Variants in RASAL1 observed in about 807,000 individuals in gnomAD.
RASAL1 encodes rasGAP-activating-like protein 1.
A neutral mutation model predicts 96.6 loss-of-function variants in RASAL1; 72 were observed. That is an observed-to-expected ratio of 0.75 (90% CI 0.62 to 0.91). RASAL1 has a LOEUF of 0.91. Ranked by LOEUF, RASAL1 falls within the 40% of genes least tolerant of loss-of-function variation. The pLI is 0.00. For synonymous variants in RASAL1, 405 were observed against 430.4 expected, an observed-to-expected ratio of 0.94 and a Z score of 0.73; for missense variants, 1,016 against 1,072.5, an observed-to-expected ratio of 0.95 and a Z score of 0.74.
intron 13 of RASAL1, among the ~76,000 whole-genome samples, chr12:113,108,993 C>T (rs997085376): frequency 1.3e-5 from 2 of 151,244 alleles, no homozygotes; most frequent in Admixed American, 6.6e-5. Flanking sequence ...TGCCACCACA[C>T]CTGGCCAGTT....
rs193144574 is a variant in RASAL1 at position 113,114,888 on chromosome 12, C to G, written c.1093G>C (p.Glu365Gln). Residue 365 changes from glutamate to glutamine, a missense_variant, in exon 12 of 21, where the codon GAG (glutamate) becomes CAG (glutamine). Transcript: ENST00000548055. Reference protein sequence around the residue: ...MKLVGMPYLHEVLKPVISRVF... With the variant: ...MKLVGMPYLHQVLKPVISRVF... ...CGGCTAATCACAGGCTTCAGGACCT[C>G]GTGCAGGTAGGGCATGCCCACGAGC... 1.7e-5 allele frequency: 27 copies of G among 1,614,038 alleles called. No individual in the cohort carries two copies. In the Admixed American group the frequency reaches 4.5e-4, roughly 27 times the overall value.
chr12:113,108,257 C>T (rs1298671996), intron 13 of RASAL1, 35 bp from the exon 14 acceptor site: 1 of 1,589,278 alleles, frequency 6.3e-7, no homozygotes, highest in South Asian at 1.2e-5. Flanking sequence ...AGGAGCCCCC[C>T]AAACCCACTT....
chr12:113,102,155 C>A lies in RASAL1; in HGVS notation c.2105-146G>T, dbSNP rs541417247. The A allele has an allele frequency of 7.1e-6, 7 of 988,844 alleles. No homozygotes were observed. In the East Asian group the frequency reaches 1.5e-4, roughly 22 times the overall value. The allele number at this position is 988,844 out of a possible 1,614,324, so 61.3% of individuals were successfully genotyped here. ...TCTAGGCCACACACGGTGGCTCATG[C>A]CTGTAATCTCAGCACTTTTGGAGGC... On this transcript the variant is annotated intron_variant, in intron 18 of 20. Coordinates refer to ENST00000548055, the MANE Select transcript of RASAL1 (RefSeq NM_001301202.2).
chr12:113,135,557 C>G lies in RASAL1; in HGVS notation c.-95G>C. The G allele has an allele frequency of 9.0e-7, 1 of 1,111,244 alleles. No individual in the cohort carries two copies. Among genetic ancestry groups the G allele is most frequent in the Non-Finnish European group, 1.3e-6 (1 of 763,100 alleles). The allele number at this position is 1,111,244 out of a possible 1,614,324, so 68.8% of individuals were successfully genotyped here. A position where few individuals can be genotyped will look rare whatever the true frequency, so the allele number is the denominator to read the frequency against. On this transcript the variant is annotated 5_prime_UTR_variant, in exon 1 of 21. Coordinates refer to ENST00000548055, the MANE Select transcript of RASAL1 (RefSeq NM_001301202.2). The surrounding 1 kb of genome is among the most constrained non-coding windows in gnomAD (Gnocchi z 5.7). ...ATGTCACCTGCTTCAAGCCTGGCTCCCTGCCTCGTGGTCCCAGTGCCGCCT... is the reference window on the plus strand; with the variant it reads ...ATGTCACCTGCTTCAAGCCTGGCTCGCTGCCTCGTGGTCCCAGTGCCGCCT...
At chr12:113,119,286 G>A in intron 6 of RASAL1, 27 bp from the exon 7 acceptor site, 2 of 1,611,594 alleles carry the variant, frequency 1.2e-6, no homozygotes, top group Non-Finnish European at 8.5e-7. Context: ...TGGTCTGTGA[G>A]TGGGAGAGCT....
chr12:113,115,853 T>C lies in RASAL1; in HGVS notation c.850-65A>G. The C allele has an allele frequency of 1.3e-6, 2 of 1,599,152 alleles. No homozygotes were observed. The highest frequency in any genetic ancestry group is 1.1e-5 in the South Asian group (1 of 89,672). On this transcript the variant is annotated intron_variant, in intron 9 of 20. Transcript: ENST00000548055. This position sits in a 1 kb window ranked among gnomAD's most constrained non-coding sequence, Gnocchi z 4.1. ...GGACCCCAAAGCAGATGGGCCTAGA[T>C]AGGGCTCCGTGAGGCAGGGGGAGGC...
At chr12:113,109,002 T>G (rs886376055) in intron 13 of RASAL1, among the ~76,000 whole-genome samples, 2 of 150,052 alleles carry the variant, frequency 1.3e-5, no homozygotes. Context: ...ACCTGGCCAG[T>G]TTTTGTTTTG....
rs1566031743 is a variant in RASAL1, at chr12:113,101,953, G to GTGGGTCAC, written c.2153_2160dup (p.Leu721ValfsTer26). 1 of 1,614,176 alleles carries GTGGGTCAC rather than the reference G, an allele frequency of 6.2e-7. No homozygotes were observed. The highest frequency in any genetic ancestry group is 1.7e-5 in the Admixed American group (1 of 60,026). On this transcript the variant is annotated frameshift_variant, in exon 19 of 21. Transcript: ENST00000548055. LOFTEE classifies it high-confidence loss of function. ...GTCTGGGCCTCAGCATCAGGATCCA[G>GTGGGTCAC]TGGGTCACTCCAGTCCCCCAGGGTG...
rs1359995815 is a variant in RASAL1, at chr12:113,115,478, A to C, written c.1003+157T>G. 3.9e-5 allele frequency among the ~76,000 whole-genome samples: 6 copies of C among 152,138 alleles called. No individual in the cohort carries two copies. The highest frequency in any genetic ancestry group is 7.4e-5 in the Non-Finnish European group (5 of 68,010). On this transcript the variant is annotated intron_variant, in intron 10 of 20. Transcript: ENST00000548055. This position sits in a 1 kb window ranked among gnomAD's most constrained non-coding sequence, Gnocchi z 4.1. ...AGCAAAGCCAGGGCCTGAACCTGCA[A>C]TTGGGCTCCCAACTGTCTGGAGGTG...
intron 12 of RASAL1, among the ~76,000 whole-genome samples, chr12:113,112,958 T>A (rs1449357420): frequency 2.0e-5 from 3 of 151,538 alleles, no homozygotes; most frequent in Middle Eastern, 3.4e-3. Flanking sequence ...TCTCAAAAAA[T>A]AAATAAATAA....
At chr12:113,134,598 C>T (rs967161214) in intron 1 of RASAL1, among the ~76,000 whole-genome samples, 3 of 152,218 alleles carry the variant, frequency 2.0e-5, no homozygotes, top group African/African-American at 7.2e-5. Context: ...CCACACCTGT[C>T]GCAGGTGCTA....
At chr12:113,103,772 CA>C (rs1950544249) in intron 18 of RASAL1, 173 bp downstream of exon 18, 1 of 846,130 alleles carries the variant, frequency 1.2e-6, no homozygotes, top group African/African-American at 1.7e-5. Context: ...ATTTAATTAT[CA>C]CAACTCCACG....
chr12:113,128,712 C>T lies in RASAL1; in HGVS notation c.123-534G>A, dbSNP rs76511905. Among the ~76,000 whole-genome samples, 1,073 of 152,270 alleles carry T rather than the reference C, an allele frequency of 7.0e-3. 9 individuals are homozygous for T. Among genetic ancestry groups the T allele is most frequent in the Non-Finnish European group, 0.011 (782 of 68,028 alleles). ...ACCAAGGAGGCCAGAGACAGAGACA[C>T]ATTTACACATAAGCAGATACACATA... On this transcript the variant is annotated intron_variant, in intron 2 of 20. Transcript: ENST00000548055.
chr12:113,104,938 T>G (rs549797291), intron 16 of RASAL1, among the ~76,000 whole-genome samples: 1 of 152,242 alleles, frequency 6.6e-6, no homozygotes, highest in Non-Finnish European at 1.5e-5. Context: ...CTTCTGGGGT[T>G]GGTTCTGTTA....
intron 13 of RASAL1, among the ~76,000 whole-genome samples, chr12:113,111,474 C>T (rs1275245920): frequency 6.6e-6 from 1 of 152,150 alleles, no homozygotes; most frequent in Non-Finnish European, 1.5e-5. Flanking sequence ...CTGGTATCCA[C>T]CTCACAGGCT....
chr12:113,103,261 A>T (rs970737439), intron 18 of RASAL1, among the ~76,000 whole-genome samples: 1 of 149,924 alleles, frequency 6.7e-6, no homozygotes, highest in African/African-American at 2.4e-5. Flanking sequence ...TATACATTGT[A>T]ATACATTGTT....
intron 19 of RASAL1, among the ~76,000 whole-genome samples, chr12:113,101,234 G>A (rs911407856): frequency 6.6e-6 from 1 of 152,152 alleles, no homozygotes; most frequent in African/African-American, 2.4e-5. Context: ...TGGCCAACAT[G>A]GTGAAACCCC....
intron 5 of RASAL1, among the ~76,000 whole-genome samples, chr12:113,119,834 GAA>G (rs1951224491): frequency 6.6e-6 from 1 of 152,196 alleles, no homozygotes; most frequent in Non-Finnish European, 1.5e-5. Flanking sequence ...GGACACTAGG[GAA>G]AGTCACTTCC....
rs374058865 is a variant in RASAL1 at position 113,129,204 on chromosome 12, G to A, written c.123-1026C>T. Among the ~76,000 whole-genome samples the A allele has an allele frequency of 1.3e-5, 2 of 152,198 alleles. No individual in the cohort carries two copies. Among genetic ancestry groups the A allele is most frequent in the East Asian group, 1.9e-4 (1 of 5,192 alleles). ...TCCTGGGATTGGGGTTAGCTCAATCGCCCCTGGTTGGGTCGTGGGGGTAGG... is the reference window on the plus strand; with the variant it reads ...TCCTGGGATTGGGGTTAGCTCAATCACCCCTGGTTGGGTCGTGGGGGTAGG... On this transcript the variant is annotated intron_variant, in intron 2 of 20. Coordinates refer to ENST00000548055, the MANE Select transcript of RASAL1 (RefSeq NM_001301202.2). The surrounding 1 kb of genome is among the most constrained non-coding windows in gnomAD (Gnocchi z 5.0).
Sources: allele counts gnomAD v4.1 joint callset (sites outside exome capture counted in the v4.1 genomes callset), GRCh38; gene constraint gnomAD v4.1.1; non-coding constraint Gnocchi (gnomAD v3.1); transcripts MANE v1.5; gene names NCBI Gene and HGNC (gene_info 2026-07-23, HGNC 2026-07-21).